The following OR6J1 variants were observed in gnomAD, a reference collection of about 807,000 sequenced individuals.
The protein encoded by OR6J1 is olfactory receptor 6J1.
For missense variants in OR6J1, 304 were observed against 166.8 expected, an observed-to-expected ratio of 1.82 and a Z score of -4.53; for synonymous variants, 109 against 70.0, an observed-to-expected ratio of 1.56 and a Z score of -2.78.
At chr14:22,641,787 C>A (rs970396373) in intron 1 of OR6J1, among the ~76,000 whole-genome samples, 1 of 152,048 alleles carries the variant, frequency 6.6e-6, no homozygotes, top group East Asian at 1.9e-4. Context: ...ATCACAGAAA[C>A]AGAGGAAAAA....
Position 22,633,537 on chromosome 14 carries a change from T to C in OR6J1, c.*231A>G, listed in dbSNP as rs1325532245. On this transcript the variant is annotated 3_prime_UTR_variant, in exon 2 of 2. Coordinates refer to ENST00000540461, the MANE Select transcript of OR6J1 (RefSeq NM_001348233.2). Reference sequence around the variant, plus strand: ...GAAATAGGCTGCATGGCCCTTCCATTCTTACAATATTCAGTGTGGATGGGG... The same window carrying C: ...GAAATAGGCTGCATGGCCCTTCCATCCTTACAATATTCAGTGTGGATGGGG... 2.1e-6 allele frequency: 1 copy of C among 485,666 alleles called. No homozygotes were observed. Among genetic ancestry groups the C allele is most frequent in the Non-Finnish European group, 3.6e-6 (1 of 277,408 alleles). The allele number at this position is 485,666 out of a possible 1,614,324, so 30.1% of individuals were successfully genotyped here.
intron 1 of OR6J1, among the ~76,000 whole-genome samples, chr14:22,639,460 G>C (rs1359742715): frequency 7.5e-6 from 1 of 133,208 alleles, no homozygotes; most frequent in South Asian, 2.3e-4. Context: ...CCCTCTGCCC[G>C]GCCACCACCC....
chr14:22,640,464 C>T (rs1431809162), intron 1 of OR6J1, among the ~76,000 whole-genome samples: 1 of 149,382 alleles, frequency 6.7e-6, no homozygotes, highest in East Asian at 1.9e-4. Context: ...TAAACTTCAG[C>T]TCAACCAACA....
Position 22,639,695 on chromosome 14 carries a change from G to A in OR6J1, c.-28+4403C>T, listed in dbSNP as rs561594621. Among the ~76,000 whole-genome samples, 130 of 125,112 alleles carry A rather than the reference G, an allele frequency of 1.0e-3. 25 individuals are homozygous for A. Among genetic ancestry groups the A allele is most frequent in the African/African-American group, 5.1e-3 (124 of 24,204 alleles). 82.1% of individuals were successfully genotyped at this position (125,112 alleles called of 152,430 possible). The stretch of plus-strand genomic sequence containing the variant: ...GATCTGTGACCTTACCCCCAACCCG[G>A]TGCTCTCTGAAACATGTGCTGTGTC... On this transcript the variant is annotated intron_variant, in intron 1 of 1. Transcript: ENST00000540461.
Position 22,634,483 on chromosome 14 carries a change from T to A in OR6J1, c.329A>T (p.Glu110Val), listed in dbSNP as rs1374304958. The change falls in exon 2 of 2, where the codon GAG (glutamate) becomes GTG (valine). Residue 110 changes from glutamate to valine, a missense_variant. Physicochemically the swap from Glu to Val is moderately radical, Grantham distance 121. Coordinates refer to ENST00000540461, the MANE Select transcript of OR6J1 (RefSeq NM_001348233.2). ...CYFYFFLGTVEFLLLTVMSYD... is the reference protein window; with the variant it reads ...CYFYFFLGTVVFLLLTVMSYD... ...GGACATGACCGTCAGCAGGAGGAAC[T>A]CAACTGTGCCCAAGAAAAAGTAGAA... The A allele has an allele frequency of 1.4e-6, 1 of 703,214 alleles. No homozygotes were observed. The highest frequency in any genetic ancestry group is 2.0e-5 in the Admixed American group (1 of 50,006). 43.6% of individuals were successfully genotyped at this position (703,214 alleles called of 1,614,324 possible).
intron 1 of OR6J1, among the ~76,000 whole-genome samples, chr14:22,643,054 G>A (rs1033607880): frequency 2.6e-4 from 39 of 148,862 alleles, no homozygotes; most frequent in African/African-American, 8.2e-4. Flanking sequence ...TGCAACCTCC[G>A]CCTCCCCGGT....
intron 1 of OR6J1, among the ~76,000 whole-genome samples, chr14:22,636,714 T>C (rs2037589701): frequency 8.6e-6 from 1 of 116,218 alleles, no homozygotes; most frequent in Non-Finnish European, 1.7e-5. Context: ...GTTCACTCAG[T>C]GCTCAGTGGT....
At chr14:22,634,879 G>T in intron 1 of OR6J1, 41 bp from the exon 2 acceptor site, 1 of 604,024 alleles carries the variant, frequency 1.7e-6, no homozygotes, top group Non-Finnish European at 3.0e-6. Flanking sequence ...AGAGTGTTCA[G>T]TGGATGAAAC....
At chr14:22,637,825 T>C (rs2037604429) in intron 1 of OR6J1, among the ~76,000 whole-genome samples, 1 of 40,118 alleles carries the variant, frequency 2.5e-5, no homozygotes, top group South Asian at 9.1e-4. Flanking sequence ...GAGGAGCCCC[T>C]CTGCCCGGCC....
chr14:22,638,907 T>C (rs2139295819), intron 1 of OR6J1, among the ~76,000 whole-genome samples: 1 of 115,204 alleles, frequency 8.7e-6, no homozygotes, highest in East Asian at 2.3e-4. Context: ...CCATCACATC[T>C]AGGAAGTGAG....
chr14:22,643,764 C>CACACACAGAGAGAGAGAGAGAGAG (rs1466950724), intron 1 of OR6J1, among the ~76,000 whole-genome samples: 3 of 37,694 alleles, frequency 8.0e-5, no homozygotes, highest in Admixed American at 1.2e-3. Context: ...CACACACACA[C>CACACACAGAGAGAGAGAGAGAGAG]AGAGAGAGAG....
At chr14:22,639,191 G>C (rs2037622138) in intron 1 of OR6J1, among the ~76,000 whole-genome samples, 2 of 118,212 alleles carry the variant, frequency 1.7e-5, no homozygotes, top group African/African-American at 9.9e-5. Flanking sequence ...GGGAAGTGAG[G>C]AGCGTCTCCG....
In OR6J1 at chr14:22,643,714, AACACACACACACACACACAC is replaced by A. The variant is rs1183889876; in HGVS notation, c.-28+364_-28+383del. Among the ~76,000 whole-genome samples the A allele has an allele frequency of 4.5e-4, 38 of 84,056 alleles. No individual in the cohort carries two copies. In the East Asian group the frequency reaches 9.2e-3, roughly 20 times the overall value. 55.1% of individuals were successfully genotyped at this position (84,056 alleles called of 152,430 possible). ...AAGCCCTGACCCCTGGCATGGCAGA[AACACACACACACACACACAC>A]ACACACACACACACACACACACACA... On this transcript the variant is annotated intron_variant, in intron 1 of 1. Transcript: ENST00000540461.
chr14:22,638,031 G>A lies in OR6J1; in HGVS notation c.-27-3193C>T, dbSNP rs1333884091. Among the ~76,000 whole-genome samples, 9 of 108,834 alleles carry A rather than the reference G, an allele frequency of 8.3e-5. 2 individuals are homozygous for A. Among genetic ancestry groups the A allele is most frequent in the Non-Finnish European group, 1.5e-4 (8 of 55,042 alleles). 71.4% of individuals were successfully genotyped at this position (108,834 alleles called of 152,430 possible). A position where few individuals can be genotyped will look rare whatever the true frequency, so the allele number is the denominator to read the frequency against. On this transcript the variant is annotated intron_variant, in intron 1 of 1. Transcript: ENST00000540461. ...GCCGCCCCGTCCGGGAGGATGGTGG[G>A]GGGGTCAGCCCCCCGCCTGGCCAGC...
chr14:22,632,959 C>G lies in OR6J1; in HGVS notation c.*809G>C, dbSNP rs936205714. ...CACCTGGCACCCAAAGTGGCCACTC[C>G]AGCCACCAAGCCTATTTCTGCTTCC... is the stretch of plus-strand genomic sequence containing the variant. On this transcript the variant is annotated 3_prime_UTR_variant, in exon 2 of 2. Coordinates refer to ENST00000540461, the MANE Select transcript of OR6J1 (RefSeq NM_001348233.2). 6.6e-6 allele frequency: 1 copy of G among 152,212 alleles called. No homozygotes were observed. Among genetic ancestry groups the G allele is most frequent in the African/African-American group, 2.4e-5 (1 of 41,452 alleles). The allele number at this position is 152,212 out of a possible 1,614,324, so 9.4% of individuals were successfully genotyped here. A position where few individuals can be genotyped will look rare whatever the true frequency, so the allele number is the denominator to read the frequency against.
chr14:22,635,680 A>G (rs1005204108), intron 1 of OR6J1, among the ~76,000 whole-genome samples: 3 of 152,216 alleles, frequency 2.0e-5, no homozygotes, highest in African/African-American at 7.2e-5. Flanking sequence ...ACAGACCCAC[A>G]CAGATGTGGA....
rs553596859 is a variant in OR6J1 at position 22,642,483 on chromosome 14, G to C, written c.-28+1615C>G. The stretch of plus-strand genomic sequence containing the variant: ...CCTCCTGAGTAAGCTGGGATTACAG[G>C]CGTGTGCCACCATGCCCAGCTAATT... On this transcript the variant is annotated intron_variant, in intron 1 of 1. Coordinates refer to ENST00000540461, the MANE Select transcript of OR6J1 (RefSeq NM_001348233.2). 2.0e-5 allele frequency among the ~76,000 whole-genome samples: 3 copies of C among 151,412 alleles called. No homozygotes were observed. In the South Asian group the frequency reaches 6.3e-4, roughly 32 times the overall value.
chr14:22,631,633 C>A lies in OR6J1; in HGVS notation c.*2135G>T, dbSNP rs1031402208. 1 of 152,184 alleles carries A rather than the reference C, an allele frequency of 6.6e-6. No individual in the cohort carries two copies. The highest frequency in any genetic ancestry group is 2.4e-5 in the African/African-American group (1 of 41,440). The allele number at this position is 152,184 out of a possible 1,614,324, so 9.4% of individuals were successfully genotyped here. On this transcript the variant is annotated 3_prime_UTR_variant, in exon 2 of 2. Transcript: ENST00000540461. The stretch of plus-strand genomic sequence containing the variant: ...GCAGTTAACACAATTATCACATGGT[C>A]CTGAGGTGACATACATCTTCCTCAG...
intron 1 of OR6J1, among the ~76,000 whole-genome samples, chr14:22,637,622 C>G (rs1176166317): frequency 1.5e-5 from 1 of 68,296 alleles, no homozygotes; most frequent in African/African-American, 7.8e-5. Flanking sequence ...CCGCCCCATC[C>G]GGGAGGGAGG....
Sources: allele counts gnomAD v4.1 joint callset (sites outside exome capture counted in the v4.1 genomes callset), GRCh38; gene constraint gnomAD v4.1.1; transcripts MANE v1.5; gene names NCBI Gene and HGNC (gene_info 2026-07-23, HGNC 2026-07-21).